The following EPHX1 variants were observed in gnomAD, a reference collection of about 807,000 sequenced individuals.
EPHX1 encodes the protein epoxide hydratase.
EPHX1 carries 40 observed loss-of-function variants against 43.2 expected under a neutral mutation model. The ratio of observed to expected loss-of-function variants is 0.93; its 90% CI spans 0.72 to 1.21. The LOEUF is 1.21. Among genes scored for constraint, EPHX1 ranks in the 50% most tolerant of loss-of-function variants. The pLI, the probability that EPHX1 is intolerant of heterozygous loss-of-function variation, is 0.00. For missense variants in EPHX1, 550 were observed against 570.4 expected, an observed-to-expected ratio of 0.96 and a Z score of 0.36; for synonymous variants, 221 against 226.7, an observed-to-expected ratio of 0.98 and a Z score of 0.22.
Position 225,829,729 on chromosome 1 carries a change from C to G in EPHX1, c.183+817C>G, listed in dbSNP as rs1020418693. Among the ~76,000 whole-genome samples, 3 of 152,118 alleles carry G rather than the reference C, an allele frequency of 2.0e-5. No individual in the cohort carries two copies. In the South Asian group the frequency reaches 6.2e-4, roughly 32 times the overall value. ...ACAGCCCCTTCCGTCCAACAGCATA[C>G]AGTCCAGTGAATGAGAAAAGGAATG... On this transcript the variant is annotated intron_variant, in intron 2 of 8. Coordinates refer to ENST00000272167, the MANE Select transcript of EPHX1 (RefSeq NM_001136018.4).
In EPHX1 at chr1:225,839,326, T is replaced by C. The variant is rs760763592; in HGVS notation, c.702T>C (p.Asn234=). ...GGDWGSLICT[N]MAQLVPSHVK... ...ACTGGGGGTCCCTGATCTGCACTAA[T>C]ATGGCCCAGCTGGTGCCCAGGTGAG... Residue 234 remains asparagine (N), a synonymous_variant, in exon 5 of 9, where the codon AAT becomes AAC. Transcript: ENST00000272167. The C allele has an allele frequency of 6.2e-7, 1 of 1,613,892 alleles. No individual in the cohort carries two copies. Among genetic ancestry groups the C allele is most frequent in the South Asian group, 1.1e-5 (1 of 91,074 alleles).
At chr1:225,844,710 G>A in intron 8 of EPHX1, 87 bp downstream of exon 8, 1 of 1,579,874 alleles carries the variant, frequency 6.3e-7, no homozygotes, top group Non-Finnish European at 8.6e-7. Context: ...GGCACTTGGT[G>A]GTGGGATAAG....
intron 6 of EPHX1, chr1:225,840,955 T>TA (rs1341060366): frequency 6.6e-6 from 1 of 152,192 alleles, no homozygotes; most frequent in Non-Finnish European, 1.5e-5. Flanking sequence ...TCAAAAAGCT[T>TA]AAAAATGCAA....
intron 3 of EPHX1, 67 bp from the exon 4 acceptor site, chr1:225,838,587 G>C: frequency 1.4e-6 from 2 of 1,393,062 alleles, no homozygotes; most frequent in Non-Finnish European, 2.0e-6. Flanking sequence ...GGCTCTGGGG[G>C]GTGCCAGAGC....
intron 1 of EPHX1, among the ~76,000 whole-genome samples, chr1:225,814,784 C>T (rs1203864203): frequency 2.6e-5 from 4 of 152,260 alleles, no homozygotes; most frequent in African/African-American, 4.8e-5. Context: ...GAACGAGAGA[C>T]ACTGGCCGCA....
intron 6 of EPHX1, among the ~76,000 whole-genome samples, chr1:225,840,724 A>G (rs1668326289): frequency 6.6e-6 from 1 of 152,200 alleles, no homozygotes; most frequent in South Asian, 2.1e-4. Flanking sequence ...GCTCAATGAC[A>G]AGGAAAGATG....
rs1394729691 is a variant in EPHX1, at chr1:225,810,139, C to T, written c.-36C>T. The T allele has an allele frequency of 2.6e-5, 4 of 151,738 alleles. No individual in the cohort carries two copies. The highest frequency in any genetic ancestry group is 4.1e-4 in the South Asian group (2 of 4,828). 9.4% of individuals were successfully genotyped at this position (151,738 alleles called of 1,614,324 possible). A position where few individuals can be genotyped will look rare whatever the true frequency, so the allele number is the denominator to read the frequency against. On this transcript the variant is annotated 5_prime_UTR_variant, in exon 1 of 9. Coordinates refer to ENST00000272167, the MANE Select transcript of EPHX1 (RefSeq NM_001136018.4). ...CCAGGGAGCCGGAGAGATCGCGCGC[C>T]TGCCGCCGCCGGAGCCTGCGAGCCG...
intron 1 of EPHX1, among the ~76,000 whole-genome samples, chr1:225,824,593 C>T (rs1251390058): frequency 2.6e-5 from 4 of 152,226 alleles, no homozygotes; most frequent in South Asian, 2.1e-4. Flanking sequence ...CTTCGCCAGG[C>T]GGCTTTATTT....
At chr1:225,839,376 T>G in intron 5 of EPHX1, 30 bp downstream of exon 5, 2 of 1,540,236 alleles carry the variant, frequency 1.3e-6, no homozygotes, top group Non-Finnish European at 1.8e-6. Context: ...GGTGTGTGTG[T>G]GTGTGTGTGT....
intron 1 of EPHX1, among the ~76,000 whole-genome samples, chr1:225,819,690 GA>G (rs1379818245): frequency 6.6e-6 from 1 of 152,174 alleles, no homozygotes; most frequent in African/African-American, 2.4e-5. Flanking sequence ...GGAACACCAA[GA>G]GAAGACAAAG....
In EPHX1 at chr1:225,810,250, TGGGCGGCGGGCCGGGGC is replaced by T. The variant is rs1666407362; in HGVS notation, c.-6+83_-6+99del. On this transcript the variant is annotated intron_variant, in intron 1 of 8. Coordinates refer to ENST00000272167, the MANE Select transcript of EPHX1 (RefSeq NM_001136018.4). ...CTCCGCGCGGGCTCGGCCGCCGGGG[TGGGCGGCGGGCCGGGGC>T]GCCGAGGGGTCGGGGCTGCGGTCGG... 2.7e-5 allele frequency: 4 copies of T among 150,160 alleles called. No individual in the cohort carries two copies. In the South Asian group the frequency reaches 8.4e-4, roughly 32 times the overall value. 9.3% of individuals were successfully genotyped at this position (150,160 alleles called of 1,614,324 possible).
At chr1:225,842,617 G>T in intron 7 of EPHX1, 143 bp downstream of exon 7, 1 of 738,218 alleles carries the variant, frequency 1.4e-6, no homozygotes, top group East Asian at 2.6e-5. Context: ...CTCACCCTGT[G>T]ACCAACGTAG....
chr1:225,831,787 C>A lies in EPHX1; in HGVS notation c.192C>A (p.His64Gln), dbSNP rs1039848704. 1 of 1,613,912 alleles carries A rather than the reference C, an allele frequency of 6.2e-7. No individual in the cohort carries two copies. Among genetic ancestry groups the A allele is most frequent in the African/African-American group, 1.3e-5 (1 of 74,898 alleles). Reference protein sequence around the residue: ...ETSDEEIHDLHQRIDKFRFTP... With the variant: ...ETSDEEIHDLQQRIDKFRFTP... ...CCTGAATTTTGCTCCAGGACTTACA[C>A]CAGAGGATCGATAAGTTCCGTTTCA... Residue 64 changes from histidine (H) to glutamine (Q), a missense_variant, in exon 3 of 9, where the codon CAC (histidine) becomes CAA (glutamine). Transcript: ENST00000272167.
Position 225,831,818 on chromosome 1 carries a change from C to A in EPHX1, c.223C>A (p.Pro75Thr). ...GATCGATAAGTTCCGTTTCACCCCA[C>A]CTTTGGAGGACAGCTGCTTCCACTA... is the stretch of plus-strand genomic sequence containing the variant. ...QRIDKFRFTPPLEDSCFHYGF... is the reference protein window; with the variant it reads ...QRIDKFRFTPTLEDSCFHYGF... Residue 75 changes from proline to threonine, a missense_variant, in exon 3 of 9, where the codon CCT becomes ACT. Pro to Thr is a conservative substitution (Grantham distance 38). Coordinates refer to ENST00000272167, the MANE Select transcript of EPHX1 (RefSeq NM_001136018.4). 1 of 1,614,190 alleles carries A rather than the reference C, an allele frequency of 6.2e-7. No homozygotes were observed. The highest frequency in any genetic ancestry group is 8.5e-7 in the Non-Finnish European group (1 of 1,180,042).
intron 1 of EPHX1, among the ~76,000 whole-genome samples, chr1:225,823,164 C>T (rs1277726755): frequency 6.6e-6 from 1 of 151,570 alleles, no homozygotes; most frequent in Non-Finnish European, 1.5e-5. Flanking sequence ...ATTTGAACGA[C>T]CCAAAGAGGA....
At chr1:225,841,569 C>T (rs1668416725) in intron 6 of EPHX1, among the ~76,000 whole-genome samples, 1 of 149,850 alleles carries the variant, frequency 6.7e-6, no homozygotes, top group Non-Finnish European at 1.5e-5. Context: ...CAGGTGTGAG[C>T]CACCGCACCC....
At chr1:225,815,532 C>T (rs181987786) in intron 1 of EPHX1, among the ~76,000 whole-genome samples, 5 of 151,210 alleles carry the variant, frequency 3.3e-5, no homozygotes, top group Non-Finnish European at 5.9e-5. Context: ...GGATTACAGG[C>T]GTGAGCCACG....
At chr1:225,835,798 T>C (rs532732169) in intron 3 of EPHX1, among the ~76,000 whole-genome samples, 14 of 151,906 alleles carry the variant, frequency 9.2e-5, no homozygotes, top group African/African-American at 3.4e-4. Flanking sequence ...TTCTCCCACC[T>C]TGGCTTCCCA....
rs774101356 is a variant in EPHX1 at position 225,845,307 on chromosome 1, A to T, written c.1328A>T (p.Gln443Leu). 6 of 1,612,198 alleles carry T rather than the reference A, an allele frequency of 3.7e-6. No homozygotes were observed. Among genetic ancestry groups the T allele is most frequent in the Non-Finnish European group, 5.1e-6 (6 of 1,179,988 alleles). Reference protein sequence around the residue: ...AAFEEPELLAQDIRKFLSVLE... With the variant: ...AAFEEPELLALDIRKFLSVLE... Reference sequence around the variant, plus strand: ...TTTGAGGAGCCGGAGCTGCTCGCCCAGGACATCCGCAAGTTCCTGTCGGTG... The same window carrying T: ...TTTGAGGAGCCGGAGCTGCTCGCCCTGGACATCCGCAAGTTCCTGTCGGTG... Residue 443 changes from glutamine to leucine, a missense_variant, in exon 9 of 9, where the codon CAG becomes CTG. Coordinates refer to ENST00000272167, the MANE Select transcript of EPHX1 (RefSeq NM_001136018.4).
Sources: allele counts gnomAD v4.1 joint callset (sites outside exome capture counted in the v4.1 genomes callset), GRCh38; gene constraint gnomAD v4.1.1; transcripts MANE v1.5; gene names NCBI Gene and HGNC (gene_info 2026-07-23, HGNC 2026-07-21).